Variants in ZBTB20 observed in about 807,000 individuals in gnomAD.
ZBTB20 encodes the protein zinc finger and BTB domain-containing protein 20.
A neutral mutation model predicts 56.9 loss-of-function variants in ZBTB20; 9 were observed. That is an observed-to-expected ratio of 0.16 (90% CI 0.10 to 0.28). The LOEUF is 0.28. ZBTB20 is among the 10% of genes least tolerant of loss of function. ZBTB20 has a pLI of 1.00. For synonymous variants in ZBTB20, 417 were observed against 420.7 expected (o/e 0.99, Z 0.11); for missense variants, 655 against 1,003.0 (o/e 0.65, Z 4.69).
At chr3:114,920,697 A>G (rs2075924346) in intron 3 of ZBTB20, among the ~76,000 whole-genome samples, 1 of 152,116 alleles carries the variant, frequency 6.6e-6, no homozygotes, top group South Asian at 2.1e-4. Context: ...CAAAAAATTA[A>G]AAAAAGAACA....
intron 6 of ZBTB20, among the ~76,000 whole-genome samples, chr3:114,683,881 A>G (rs2062149810): frequency 1.3e-5 from 2 of 152,144 alleles, no homozygotes; most frequent in Admixed American, 6.5e-5. Context: ...CTATGACAGG[A>G]TTCTGACAGC....
chr3:114,975,287 CAAT>C (rs1225808243), intron 2 of ZBTB20, among the ~76,000 whole-genome samples: 2 of 152,090 alleles, frequency 1.3e-5, no homozygotes, highest in African/African-American at 2.4e-5. Flanking sequence ...TATGAAATCT[CAAT>C]GATGACCTTG....
At position 114,350,944 on chromosome 3, in the gene ZBTB20, G is replaced by A. The variant is rs200922911; in HGVS notation, c.1134C>T (p.Gly378=). 46 of 1,605,762 alleles carry A rather than the reference G, an allele frequency of 2.9e-5. No individual in the cohort carries two copies. In the Middle Eastern group the frequency reaches 1.5e-3, roughly 52 times the overall value. ...SEPKGESFDS[G]VSSSIGTEPD... Reference sequence around the variant, plus strand: ...GCTCGGTGCCTATGGAGGAGCTGACGCCCGAGTCGAAGCTTTCACCTTTGG... The same window carrying A: ...GCTCGGTGCCTATGGAGGAGCTGACACCCGAGTCGAAGCTTTCACCTTTGG... Residue 378 remains glycine, a synonymous_variant, in exon 11 of 12, where the codon GGC becomes GGT. Transcript: ENST00000675478.
rs998969604 is a variant in ZBTB20, at chr3:114,926,130, T to A, written c.-455-25788A>T. Among the ~76,000 whole-genome samples, 26 of 152,284 alleles carry A rather than the reference T, an allele frequency of 1.7e-4. 1 individual carries two copies. The highest frequency in any genetic ancestry group is 7.7e-4 in the East Asian group (4 of 5,172). On this transcript the variant is annotated intron_variant, in intron 3 of 11. Coordinates refer to ENST00000675478, the MANE Select transcript of ZBTB20 (RefSeq NM_001348800.3). ...CTATGTTTTTCCTCATTCTCTGACA[T>A]CCCCGTTCCTTCCCAGAGTTCCTAC...
At chr3:114,662,141 G>A (rs1027303261) in intron 6 of ZBTB20, among the ~76,000 whole-genome samples, 11 of 148,948 alleles carry the variant, frequency 7.4e-5, no homozygotes, top group Non-Finnish European at 1.5e-4. Context: ...ACCTATGAGT[G>A]AGAATATACG....
At chr3:115,022,587 A>T (rs1249985738) in intron 2 of ZBTB20, among the ~76,000 whole-genome samples, 1 of 151,022 alleles carries the variant, frequency 6.6e-6, no homozygotes, top group Non-Finnish European at 1.5e-5. Context: ...ATAGTTATAG[A>T]AATCCCTTAT....
intron 2 of ZBTB20, among the ~76,000 whole-genome samples, chr3:115,070,498 T>C (rs1007611712): frequency 1.2e-4 from 19 of 152,084 alleles, no homozygotes; most frequent in African/African-American, 4.6e-4. Flanking sequence ...GAAGCAGGAA[T>C]AACCTAAGAG....
chr3:115,038,901 T>C (rs1410110885), intron 2 of ZBTB20, among the ~76,000 whole-genome samples: 2 of 152,128 alleles, frequency 1.3e-5, no homozygotes, highest in Non-Finnish European at 1.5e-5. Context: ...ATATCAAAGT[T>C]ATGCAATTTT....
intron 6 of ZBTB20, among the ~76,000 whole-genome samples, chr3:114,602,637 T>A (rs1278712847): frequency 6.6e-6 from 1 of 151,998 alleles, no homozygotes; most frequent in Admixed American, 6.6e-5. Context: ...TTGCTCACTG[T>A]TGTATCTCCA....
chr3:114,627,174 G>A (rs1392034160), intron 6 of ZBTB20, among the ~76,000 whole-genome samples: 1 of 152,120 alleles, frequency 6.6e-6, no homozygotes, highest in Non-Finnish European at 1.5e-5. Flanking sequence ...CATTCCATCT[G>A]TAGTTTTCAT....
chr3:114,521,256 T>A (rs1476070711), intron 6 of ZBTB20, among the ~76,000 whole-genome samples: 1 of 152,168 alleles, frequency 6.6e-6, no homozygotes, highest in Non-Finnish European at 1.5e-5. Context: ...GAATGAGAGT[T>A]AGGGTCTGAT....
chr3:114,668,357 G>A (rs759855532), intron 6 of ZBTB20, among the ~76,000 whole-genome samples: 98 of 151,958 alleles, frequency 6.4e-4, no homozygotes, highest in Admixed American at 2.6e-4. Flanking sequence ...TGCTCCTATG[G>A]TTACTATGAG....
At chr3:114,417,285 C>T (rs1329908878) in intron 7 of ZBTB20, among the ~76,000 whole-genome samples, 1 of 152,068 alleles carries the variant, frequency 6.6e-6, no homozygotes, top group Non-Finnish European at 1.5e-5. Flanking sequence ...GGCTGTTGCA[C>T]ATTTGCACTT....
intron 6 of ZBTB20, among the ~76,000 whole-genome samples, chr3:114,549,788 G>T (rs1452521803): frequency 6.8e-6 from 1 of 147,564 alleles, no homozygotes; most frequent in Non-Finnish European, 1.5e-5. Flanking sequence ...TGTTAATAGA[G>T]TTTTGGTGAC....
chr3:114,674,199 A>C (rs1449271817), intron 6 of ZBTB20, among the ~76,000 whole-genome samples: 4 of 152,218 alleles, frequency 2.6e-5, no homozygotes, highest in Non-Finnish European at 1.5e-5. Flanking sequence ...AACCACAGAA[A>C]GGAAAATAAA....
intron 10 of ZBTB20, chr3:114,359,228 C>G (rs914317048): frequency 6.6e-6 from 1 of 152,148 alleles, no homozygotes; most frequent in Non-Finnish European, 1.5e-5. Context: ...CTTTATGAAA[C>G]CAATTCCAAC....
intron 7 of ZBTB20, among the ~76,000 whole-genome samples, chr3:114,491,510 C>T (rs961214943): frequency 6.6e-6 from 1 of 152,192 alleles, no homozygotes; most frequent in African/African-American, 2.4e-5. Context: ...CAAATCTACA[C>T]GTGGGCTTGC....
At position 114,324,042 on chromosome 3, in the gene ZBTB20, C is replaced by G. The variant is rs1467538515; in HGVS notation, c.*14963G>C. ...GTGCTACGAAGGTGGGAAATTCAGTCTATCTCACACTTATGTGAGTCATCT... is the reference window on the plus strand; with the variant it reads ...GTGCTACGAAGGTGGGAAATTCAGTGTATCTCACACTTATGTGAGTCATCT... On this transcript the variant is annotated 3_prime_UTR_variant, in exon 12 of 12. Coordinates refer to ENST00000675478, the MANE Select transcript of ZBTB20 (RefSeq NM_001348800.3). 1 of 152,148 alleles carries G rather than the reference C, an allele frequency of 6.6e-6. No homozygotes were observed. Among genetic ancestry groups the G allele is most frequent in the African/African-American group, 2.4e-5 (1 of 41,440 alleles). 9.4% of individuals were successfully genotyped at this position (152,148 alleles called of 1,614,324 possible).
At chr3:114,848,527 T>A (rs1301789862) in intron 4 of ZBTB20, among the ~76,000 whole-genome samples, 1 of 152,122 alleles carries the variant, frequency 6.6e-6, no homozygotes, top group Non-Finnish European at 1.5e-5. Context: ...GAAAAATCAC[T>A]CCTGAGATGG....
Sources: gnomAD v4.1 joint callset for allele counts (sites outside exome capture counted in the v4.1 genomes callset) on GRCh38, gnomAD v4.1.1 for gene constraint, MANE v1.5 for transcripts, NCBI Gene and HGNC (gene_info 2026-07-23, HGNC 2026-07-21) for gene names.